TGFBRAP1: variants seen among roughly 807,000 people sequenced by gnomAD.
TGFBRAP1 encodes the protein transforming growth factor-beta receptor-associated protein 1.
In TGFBRAP1, 20 loss-of-function variants were observed where a neutral mutation model predicts 83.2. That is an observed-to-expected ratio of 0.24 (90% CI 0.17 to 0.35). The LOEUF (loss-of-function observed/expected upper bound fraction) is 0.35, where lower values mean the gene tolerates loss of function less well. TGFBRAP1 is among the 10% of genes least tolerant of loss of function. TGFBRAP1 has a pLI of 1.00. For synonymous variants in TGFBRAP1, 415 were observed against 459.8 expected, an observed-to-expected ratio of 0.90 and a Z score of 1.25; for missense variants, 950 against 1,099.4, an observed-to-expected ratio of 0.86 and a Z score of 1.92.
rs184138678 is a variant in TGFBRAP1, at chr2:105,275,218, G to T, written c.1665+342C>A. On this transcript the variant is annotated intron_variant, in intron 8 of 11. Transcript: ENST00000393359. Reference sequence around the variant, plus strand: ...CCTAATCCTGCTCCAGAAAACAGCAGTGTCAGACTTCTGAGGGGTCGAGGA... The same window carrying T: ...CCTAATCCTGCTCCAGAAAACAGCATTGTCAGACTTCTGAGGGGTCGAGGA... Among the ~76,000 whole-genome samples, 624 of 152,312 alleles carry T rather than the reference G, an allele frequency of 4.1e-3. 3 individuals are homozygous for T. Among genetic ancestry groups the T allele is most frequent in the Middle Eastern group, 0.01 (3 of 294 alleles).
At chr2:105,317,458 G>A (rs1678921212) in intron 1 of TGFBRAP1, among the ~76,000 whole-genome samples, 1 of 150,588 alleles carries the variant, frequency 6.6e-6, no homozygotes, top group African/African-American at 2.4e-5. Flanking sequence ...AAGAAAGCTA[G>A]ATTCCTACCT....
At chr2:105,304,904 G>C (rs1048032406) in intron 2 of TGFBRAP1, among the ~76,000 whole-genome samples, 7 of 152,172 alleles carry the variant, frequency 4.6e-5, no homozygotes, top group African/African-American at 1.7e-4. Flanking sequence ...CATGGAAACA[G>C]CAAAAAGATC....
chr2:105,305,065 T>C (rs1354699555), intron 2 of TGFBRAP1, among the ~76,000 whole-genome samples: 2 of 152,140 alleles, frequency 1.3e-5, no homozygotes, highest in Non-Finnish European at 2.9e-5. Flanking sequence ...TAATATAAAC[T>C]ATGGGCTTCG....
intron 6 of TGFBRAP1, among the ~76,000 whole-genome samples, chr2:105,278,034 G>T (rs998781960): frequency 6.6e-6 from 1 of 151,934 alleles, no homozygotes; most frequent in Admixed American, 6.6e-5. Flanking sequence ...ACTCCAGCCC[G>T]GGTGACGGAG....
intron 3 of TGFBRAP1, 47 bp downstream of exon 3, chr2:105,298,464 T>C: frequency 1.3e-6 from 2 of 1,523,818 alleles, no homozygotes; most frequent in Non-Finnish European, 8.8e-7. Context: ...AGAAATATCA[T>C]AAAAGAGTTA....
chr2:105,250,607 TCTCC>T, the TGFBRAP1 span, among the ~76,000 whole-genome samples: 34,588 of 144,216 alleles, frequency 0.24, 4,705 homozygotes, highest in South Asian at 0.42. Context: ...CTCCTCTCCC[TCTCC>T]CTCCTCTCCC....
chr2:105,291,144 G>C (rs915476770), intron 4 of TGFBRAP1, among the ~76,000 whole-genome samples: 8 of 152,084 alleles, frequency 5.3e-5, no homozygotes, highest in Non-Finnish European at 1.2e-4. Flanking sequence ...AGGAGGTGTA[G>C]TCTTGGGGAG....
At chr2:105,286,989 T>C (rs891125143) in intron 4 of TGFBRAP1, among the ~76,000 whole-genome samples, 45 of 152,138 alleles carry the variant, frequency 3.0e-4, no homozygotes, top group African/African-American at 1.1e-3. Flanking sequence ...AAAATACACC[T>C]TTCTAACTAA....
intron 7 of TGFBRAP1, among the ~76,000 whole-genome samples, chr2:105,276,104 C>T (rs753732306): frequency 3.3e-5 from 5 of 152,114 alleles, no homozygotes; most frequent in Admixed American, 1.3e-4. Context: ...CCATCTTCTC[C>T]GTCACAGACA....
At chr2:105,281,483 C>T (rs959559812) in intron 5 of TGFBRAP1, among the ~76,000 whole-genome samples, 9 of 152,150 alleles carry the variant, frequency 5.9e-5, no homozygotes, top group East Asian at 1.9e-4. Flanking sequence ...ATGCTGCCTG[C>T]GATGTTCAGA....
chr2:105,321,156 A>G (rs986786006), intron 1 of TGFBRAP1, among the ~76,000 whole-genome samples: 1 of 151,408 alleles, frequency 6.6e-6, no homozygotes, highest in African/African-American at 2.4e-5. Flanking sequence ...ACAATGACTT[A>G]TTTATTTATT....
chr2:105,251,026 T>C, the TGFBRAP1 span, among the ~76,000 whole-genome samples: 1 of 152,194 alleles, frequency 6.6e-6, no homozygotes, highest in Non-Finnish European at 1.5e-5. Flanking sequence ...CCCAGCTGCC[T>C]GCCTTGGCCT....
intron 1 of TGFBRAP1, among the ~76,000 whole-genome samples, chr2:105,312,248 G>A (rs1678720660): frequency 6.6e-6 from 1 of 152,034 alleles, no homozygotes; most frequent in African/African-American, 2.4e-5. Flanking sequence ...GATCACTTGT[G>A]CCCAAGAGTT....
the TGFBRAP1 span, among the ~76,000 whole-genome samples, chr2:105,257,909 C>T: frequency 6.6e-6 from 1 of 152,138 alleles, no homozygotes; most frequent in Admixed American, 6.5e-5. Context: ...GTTTTTTCAT[C>T]ATTTTATCCA....
intron 3 of TGFBRAP1, 151 bp downstream of exon 3, chr2:105,298,360 C>T: frequency 1.4e-6 from 1 of 712,278 alleles, no homozygotes; most frequent in Non-Finnish European, 2.1e-6. Context: ...TCCCCACTAA[C>T]TGTGCAGCCC....
chr2:105,271,849 GAGCTGAGGCCAAAGA>G (rs1232791320), intron 10 of TGFBRAP1, among the ~76,000 whole-genome samples: 1 of 152,226 alleles, frequency 6.6e-6, no homozygotes, highest in Non-Finnish European at 1.5e-5. Context: ...GCCTGATGCA[GAGCTGAGGCCAAAGA>G]AGGAGCGCCC....
the TGFBRAP1 span, among the ~76,000 whole-genome samples, chr2:105,250,333 GC>G: frequency 6.6e-6 from 1 of 152,138 alleles, no homozygotes; most frequent in Admixed American, 6.5e-5. Context: ...CAAATTACTT[GC>G]CCTGGGTCTC....
rs113450226 is a variant in TGFBRAP1 at position 105,308,130 on chromosome 2, C to T, written c.172G>A (p.Ala58Thr). Residue 58 changes from alanine to threonine, a missense_variant, in exon 2 of 12, where the codon GCT (alanine) becomes ACT (threonine). Ala to Thr is a moderately conservative substitution (Grantham distance 58). Transcript: ENST00000393359. ...GTGGCAGTGAACGTGGCTGGCCCAG[C>T]AGGCACTGGCCTCTCCTCCAACAGG... ...HFLLEERPVP[A>T]GPATFTATKQ... 9 of 1,614,154 alleles carry T rather than the reference C, an allele frequency of 5.6e-6. No homozygotes were observed. The African/African-American group carries it at 6.7e-5, about 12-fold the overall frequency.
intron 6 of TGFBRAP1, among the ~76,000 whole-genome samples, chr2:105,277,987 A>G (rs540925367): frequency 6.6e-6 from 1 of 152,132 alleles, no homozygotes; most frequent in African/African-American, 2.4e-5. Flanking sequence ...TGAGCCCATA[A>G]AGTTAAGACT....
Sources: allele counts gnomAD v4.1 joint callset (sites outside exome capture counted in the v4.1 genomes callset), GRCh38; gene constraint gnomAD v4.1.1; transcripts MANE v1.5; gene names NCBI Gene and HGNC (gene_info 2026-07-23, HGNC 2026-07-21).